The following CBFB variants were observed in gnomAD, a reference collection of about 807,000 sequenced individuals.
CBFB encodes core-binding factor subunit beta.
In CBFB, 9 loss-of-function variants were observed where a neutral mutation model predicts 30.4. That is an observed-to-expected ratio of 0.30 (90% CI 0.18 to 0.52). The LOEUF is 0.52. CBFB is among the 20% of genes least tolerant of loss of function. CBFB has a pLI of 0.97. For missense variants in CBFB, 170 were observed against 244.0 expected (o/e 0.70, Z 2.02); for synonymous variants, 94 against 84.0 (o/e 1.12, Z -0.65).
chr16:67,078,393 T>A (rs1479277167), intron 4 of CBFB, among the ~76,000 whole-genome samples: 1 of 151,814 alleles, frequency 6.6e-6, no homozygotes, highest in Non-Finnish European at 1.5e-5. Context: ...CTATAAAAAA[T>A]TTAAAAATTA....
chr16:67,063,154 C>A (rs1272773640), intron 3 of CBFB, among the ~76,000 whole-genome samples: 1 of 152,174 alleles, frequency 6.6e-6, no homozygotes, highest in African/African-American at 2.4e-5. Context: ...GGCATAGTCA[C>A]TTGTTTGATT....
At chr16:67,069,348 C>A (rs1041585376) in intron 4 of CBFB, among the ~76,000 whole-genome samples, 1 of 149,424 alleles carries the variant, frequency 6.7e-6, no homozygotes, top group African/African-American at 2.5e-5. Flanking sequence ...CCAGCCTGGG[C>A]GACAGAGCAA....
intron 3 of CBFB, among the ~76,000 whole-genome samples, chr16:67,059,517 C>G (rs1384598466): frequency 6.6e-6 from 1 of 152,170 alleles, no homozygotes; most frequent in Non-Finnish European, 1.5e-5. Context: ...CATTTTTGCG[C>G]AGCGACGTTT....
In CBFB at chr16:67,098,787, A is replaced by G; in HGVS notation, c.*9A>G. On this transcript the variant is annotated 3_prime_UTR_variant, in exon 6 of 6. Transcript: ENST00000412916. Reference sequence around the variant, plus strand: ...ACCTCAAACTTCGTTAATTAATAGCACAGCAGATGTGTGCTGCCCATCTTT... The same window carrying G: ...ACCTCAAACTTCGTTAATTAATAGCGCAGCAGATGTGTGCTGCCCATCTTT... 1 of 1,519,398 alleles carries G rather than the reference A, an allele frequency of 6.6e-7. No individual in the cohort carries two copies. The highest frequency in any genetic ancestry group is 9.1e-7 in the Non-Finnish European group (1 of 1,093,772). The allele number at this position is 1,519,398 out of a possible 1,614,324, so 94.1% of individuals were successfully genotyped here.
chr16:67,051,407 A>AAT (rs1966736946), intron 3 of CBFB, among the ~76,000 whole-genome samples: 2 of 151,998 alleles, frequency 1.3e-5, no homozygotes, highest in Non-Finnish European at 2.9e-5. Flanking sequence ...TCCAAAATGT[A>AAT]ATATATATAT....
chr16:67,088,142 G>T (rs999215739), intron 5 of CBFB, among the ~76,000 whole-genome samples: 4 of 152,128 alleles, frequency 2.6e-5, no homozygotes, highest in South Asian at 4.1e-4. Flanking sequence ...GGAAAATTGG[G>T]CTGGAATCTG....
chr16:67,084,554 T>C (rs988351927), intron 5 of CBFB, among the ~76,000 whole-genome samples: 1 of 152,160 alleles, frequency 6.6e-6, no homozygotes, highest in Non-Finnish European at 1.5e-5. Context: ...ATGAAGAGAG[T>C]TCTAGTTGGT....
At chr16:67,053,921 C>CAA (rs1960639159) in intron 3 of CBFB, among the ~76,000 whole-genome samples, 1 of 150,696 alleles carries the variant, frequency 6.6e-6, no homozygotes, top group Non-Finnish European at 1.5e-5. Flanking sequence ...AGGAGTGAGT[C>CAA]AAAGCACATC....
intron 3 of CBFB, among the ~76,000 whole-genome samples, chr16:67,050,171 T>C (rs375920968): frequency 6.8e-6 from 1 of 148,098 alleles, no homozygotes; most frequent in East Asian, 1.9e-4. Context: ...ATATATCATA[T>C]ATAAATTATA....
intron 2 of CBFB, among the ~76,000 whole-genome samples, chr16:67,031,928 G>T (rs1483967795): frequency 2.0e-5 from 3 of 152,038 alleles, no homozygotes; most frequent in Admixed American, 6.6e-5. Context: ...CTGGGCTCAA[G>T]CGATCCTCTT....
intron 3 of CBFB, among the ~76,000 whole-genome samples, chr16:67,053,824 A>G (rs982651074): frequency 7.3e-5 from 11 of 149,860 alleles, no homozygotes; most frequent in Non-Finnish European, 1.5e-5. Context: ...TAGGCTCACC[A>G]TGACCTACCT....
chr16:67,035,580 A>G (rs542881587), intron 2 of CBFB, among the ~76,000 whole-genome samples: 1 of 152,306 alleles, frequency 6.6e-6, no homozygotes, highest in Non-Finnish European at 1.5e-5. Context: ...TTTACCTCTA[A>G]AGAATCTAAG....
chr16:67,070,741 C>G (rs2145755799), intron 4 of CBFB, among the ~76,000 whole-genome samples: 1 of 151,728 alleles, frequency 6.6e-6, no homozygotes, highest in African/African-American at 2.4e-5. Flanking sequence ...GACCCAGCTA[C>G]TCAGGAAGCT....
At chr16:67,039,330 A>G (rs1465681936) in intron 3 of CBFB, among the ~76,000 whole-genome samples, 1 of 152,224 alleles carries the variant, frequency 6.6e-6, no homozygotes, top group Non-Finnish European at 1.5e-5. Context: ...GTATTTAAAA[A>G]ATGGTATACC....
At chr16:67,033,963 G>A (rs1041381871) in intron 2 of CBFB, among the ~76,000 whole-genome samples, 1 of 151,850 alleles carries the variant, frequency 6.6e-6, no homozygotes, top group Non-Finnish European at 1.5e-5. Context: ...CGAGTAGCTA[G>A]GATTACAGGC....
At chr16:67,057,665 CT>C (rs1197520557) in intron 3 of CBFB, among the ~76,000 whole-genome samples, 6 of 152,064 alleles carry the variant, frequency 3.9e-5, no homozygotes, top group Non-Finnish European at 8.8e-5. Flanking sequence ...TGTTAGTGAA[CT>C]TTTTTTCATA....
At chr16:67,046,358 C>T (rs1490562056) in intron 3 of CBFB, among the ~76,000 whole-genome samples, 2 of 152,238 alleles carry the variant, frequency 1.3e-5, no homozygotes, top group South Asian at 2.1e-4. Context: ...GCCTTGGCCT[C>T]TCAAAGTGCT....
At chr16:67,034,870 A>G (rs1422867584) in intron 2 of CBFB, among the ~76,000 whole-genome samples, 1 of 152,188 alleles carries the variant, frequency 6.6e-6, no homozygotes, top group African/African-American at 2.4e-5. Flanking sequence ...GTTGAGCTTA[A>G]AGTTATTTAT....
intron 4 of CBFB, among the ~76,000 whole-genome samples, chr16:67,080,411 C>T (rs576146128): frequency 3.2e-4 from 49 of 151,946 alleles, no homozygotes; most frequent in African/African-American, 1.2e-3. Context: ...GGGTAGGACT[C>T]AGTGGTTGAT....
Sources: gnomAD v4.1 joint callset for allele counts (sites outside exome capture counted in the v4.1 genomes callset) on GRCh38, gnomAD v4.1.1 for gene constraint, MANE v1.5 for transcripts, NCBI Gene and HGNC (gene_info 2026-07-23, HGNC 2026-07-21) for gene names.